Variants in DLG2 observed in about 807,000 individuals in gnomAD.
DLG2 encodes discs large MAGUK scaffold protein 2, also known as disks large homolog 2.
Under a neutral mutation model 132.5 loss-of-function variants are expected in DLG2, and 45 were observed. The observed-to-expected ratio is 0.34, with a 90% confidence interval of 0.27 to 0.44. The LOEUF is 0.44. DLG2 is among the 20% of genes least tolerant of loss of function. The pLI, the probability that DLG2 is intolerant of heterozygous loss-of-function variation, is 1.00. For synonymous variants in DLG2, 424 were observed against 419.6 expected, an observed-to-expected ratio of 1.01 and a Z score of -0.13; for missense variants, 1,045 against 1,196.9, an observed-to-expected ratio of 0.87 and a Z score of 1.87.
At chr11:84,990,399 G>C (rs991069409) in intron 6 of DLG2, among the ~76,000 whole-genome samples, 3 of 152,148 alleles carry the variant, frequency 2.0e-5, no homozygotes, top group Non-Finnish European at 4.4e-5. Flanking sequence ...CTATAAAAGG[G>C]CTTAAGGGAG....
intron 7 of DLG2, among the ~76,000 whole-genome samples, chr11:84,333,750 A>C (rs2098471544): frequency 6.6e-6 from 1 of 152,134 alleles, no homozygotes; most frequent in Non-Finnish European, 1.5e-5. Flanking sequence ...CAGTTCTATG[A>C]CTCCAAAGTG....
intron 11 of DLG2, among the ~76,000 whole-genome samples, chr11:84,020,529 C>T (rs982420006): frequency 6.6e-6 from 1 of 152,080 alleles, no homozygotes; most frequent in Non-Finnish European, 1.5e-5. Flanking sequence ...TTGTATCCTT[C>T]GCAGCTGTAA....
chr11:84,700,832 C>G (rs1482475324), intron 6 of DLG2, among the ~76,000 whole-genome samples: 1 of 151,620 alleles, frequency 6.6e-6, no homozygotes, highest in Non-Finnish European at 1.5e-5. Context: ...TCCTCACTAT[C>G]AGTTGGTTTC....
intron 2 of DLG2, among the ~76,000 whole-genome samples, chr11:85,620,148 A>G (rs2081600376): frequency 6.6e-6 from 1 of 152,100 alleles, no homozygotes; most frequent in Non-Finnish European, 1.5e-5. Flanking sequence ...CTTTTTCATT[A>G]GTCTTTTATT....
chr11:84,239,174 T>C (rs1205648276), intron 8 of DLG2, among the ~76,000 whole-genome samples: 2 of 152,142 alleles, frequency 1.3e-5, no homozygotes, highest in Non-Finnish European at 2.9e-5. Context: ...AATTTATTTA[T>C]TTTATCATTT....
rs549007022 is a variant in DLG2 at position 84,901,194 on chromosome 11, A to G, written c.357+210467T>C. On this transcript the variant is annotated intron_variant, in intron 6 of 27. Transcript: ENST00000376104. ...CAATAGCCATAATATATATTTCCAC[A>G]TGATAAATGCTATGAGAAATTACAA... Among the ~76,000 whole-genome samples the G allele has an allele frequency of 7.9e-5, 12 of 152,234 alleles. No individual in the cohort carries two copies. The South Asian group carries it at 2.3e-3, about 29-fold the overall frequency.
In DLG2 at chr11:84,486,670, A is replaced by G. The variant is rs564565076; in HGVS notation, c.519+47900T>C. 5.9e-5 allele frequency among the ~76,000 whole-genome samples: 9 copies of G among 152,276 alleles called. No homozygotes were observed. In the South Asian group the frequency reaches 1.4e-3, roughly 25 times the overall value. Reference sequence around the variant, plus strand: ...TCGAGCAAATGCAGGAAAAAGTCCTATGAATGTTCTTGGAGTAATGTATGT... The same window carrying G: ...TCGAGCAAATGCAGGAAAAAGTCCTGTGAATGTTCTTGGAGTAATGTATGT... On this transcript the variant is annotated intron_variant, in intron 7 of 27. Transcript: ENST00000376104.
intron 8 of DLG2, among the ~76,000 whole-genome samples, chr11:84,169,692 A>T (rs1387961642): frequency 1.9e-5 from 1 of 53,626 alleles, no homozygotes; most frequent in African/African-American, 5.7e-5. Context: ...AGCCAACATG[A>T]TAAAACCCCA....
intron 6 of DLG2, chr11:85,020,819 T>G (rs1438742783): frequency 4.1e-6 from 3 of 736,532 alleles, no homozygotes; most frequent in Non-Finnish European, 7.6e-6. Context: ...TCATCATCCT[T>G]GATCAGCTCC....
chr11:84,104,417 T>C, intron 9 of DLG2, among the ~76,000 whole-genome samples: 1 of 151,862 alleles, frequency 6.6e-6, no homozygotes, highest in East Asian at 1.9e-4. Context: ...CTGGGAAATA[T>C]AAGAGGGAAG....
intron 6 of DLG2, among the ~76,000 whole-genome samples, chr11:84,607,567 G>C (rs760942270): frequency 1.8e-4 from 27 of 152,152 alleles, no homozygotes; most frequent in Non-Finnish European, 3.7e-4. Flanking sequence ...ATTAAATAAA[G>C]AGTCAGGTAA....
intron 6 of DLG2, among the ~76,000 whole-genome samples, chr11:84,782,407 C>T (rs936302747): frequency 6.6e-6 from 1 of 151,604 alleles, no homozygotes; most frequent in Non-Finnish European, 1.5e-5. Context: ...CACCTACATA[C>T]ACACATTCTC....
At chr11:84,250,407 T>C (rs2097356330) in intron 8 of DLG2, among the ~76,000 whole-genome samples, 2 of 152,216 alleles carry the variant, frequency 1.3e-5, no homozygotes, top group Non-Finnish European at 2.9e-5. Flanking sequence ...AAGTGCTTTC[T>C]GTGTTTTACT....
chr11:83,842,443 A>G (rs1230335184), intron 16 of DLG2, among the ~76,000 whole-genome samples: 1 of 150,532 alleles, frequency 6.6e-6, no homozygotes, highest in Non-Finnish European at 1.5e-5. Flanking sequence ...AAAATACAAA[A>G]ATTAGCTGGG....
At chr11:85,504,543 G>T (rs1202594258) in intron 3 of DLG2, among the ~76,000 whole-genome samples, 1 of 152,110 alleles carries the variant, frequency 6.6e-6, no homozygotes, top group Non-Finnish European at 1.5e-5. Flanking sequence ...TATTATTTCT[G>T]AGGACTCTGT....
At chr11:85,193,143 C>T (rs913079100) in intron 4 of DLG2, among the ~76,000 whole-genome samples, 1 of 152,144 alleles carries the variant, frequency 6.6e-6, no homozygotes, top group Admixed American at 6.5e-5. Context: ...TATGAATTTG[C>T]CTATTCTGGA....
At chr11:85,113,926 T>C (rs143227829) in intron 5 of DLG2, among the ~76,000 whole-genome samples, 1 of 152,122 alleles carries the variant, frequency 6.6e-6, no homozygotes, top group Non-Finnish European at 1.5e-5. Context: ...CTTGGGAATA[T>C]GAACAGGAAA....
At chr11:84,710,117 T>G (rs1416971510) in intron 6 of DLG2, among the ~76,000 whole-genome samples, 2 of 151,928 alleles carry the variant, frequency 1.3e-5, no homozygotes, top group African/African-American at 2.4e-5. Context: ...TAGATTAATT[T>G]TGAATAGCAT....
intron 4 of DLG2, among the ~76,000 whole-genome samples, chr11:85,230,352 C>T (rs890469258): frequency 1.0e-4 from 13 of 124,300 alleles, no homozygotes; most frequent in Admixed American, 4.8e-4. Flanking sequence ...TGTATTATTT[C>T]CTTTTATTCT....
Sources: gnomAD v4.1 joint callset for allele counts (sites outside exome capture counted in the v4.1 genomes callset) on GRCh38, gnomAD v4.1.1 for gene constraint, MANE v1.5 for transcripts, NCBI Gene and HGNC (gene_info 2026-07-23, HGNC 2026-07-21) for gene names.